Variants in CCDC92 observed in about 807,000 individuals in gnomAD.
CCDC92 encodes the protein coiled-coil domain-containing protein 92.
CCDC92 carries 12 observed loss-of-function variants against 24.9 expected under a neutral mutation model. The observed-to-expected ratio is 0.48, with a 90% CI of 0.31 to 0.78. The LOEUF (loss-of-function observed/expected upper bound fraction) is 0.78. CCDC92 is among the 30% of genes least tolerant of loss of function. The probability of loss-of-function intolerance (pLI) is 0.05; values close to 1 mark genes in which losing one functional copy is unlikely to be tolerated. For missense variants in CCDC92, 399 were observed against 439.4 expected (o/e 0.91, Z 0.82); for synonymous variants, 193 against 196.3 (o/e 0.98, Z 0.14).
At chr12:123,951,784 CAG>C in intron 1 of CCDC92, among the ~76,000 whole-genome samples, 1 of 152,152 alleles carries the variant, frequency 6.6e-6, no homozygotes, top group East Asian at 1.9e-4. Context: ...GAAGGCTGGC[CAG>C]AGAACAAAGG....
chr12:123,951,399 G>A (rs1320015533), intron 1 of CCDC92, among the ~76,000 whole-genome samples: 1 of 152,196 alleles, frequency 6.6e-6, no homozygotes, highest in Non-Finnish European at 1.5e-5. Flanking sequence ...GATTGTTTCT[G>A]AGCAATCAAG....
At position 123,953,300 on chromosome 12, in the gene CCDC92, C is replaced by T. The variant is rs895187748; in HGVS notation, c.-59-8936G>A. On this transcript the variant is annotated intron_variant, in intron 1 of 4. Transcript: ENST00000238156. ...AGATAATCACCACACAAAATAATCT[C>T]AACGTCTGTCAAGGGGCTAGCATGG... is the stretch of plus-strand genomic sequence containing the variant. Among the ~76,000 whole-genome samples the T allele has an allele frequency of 4.6e-5, 7 of 151,404 alleles. No homozygotes were observed. In the South Asian group the frequency reaches 1.3e-3, roughly 27 times the overall value.
intron 1 of CCDC92, among the ~76,000 whole-genome samples, chr12:123,946,968 G>A (rs1029621894): frequency 6.6e-6 from 1 of 152,142 alleles, no homozygotes; most frequent in Non-Finnish European, 1.5e-5. Context: ...CAGAACCGGG[G>A]CTGCGTGCGG....
At chr12:123,957,433 A>G (rs1956172621) in intron 1 of CCDC92, among the ~76,000 whole-genome samples, 1 of 152,166 alleles carries the variant, frequency 6.6e-6, no homozygotes, top group South Asian at 2.1e-4. Context: ...TGCTATGTGC[A>G]CGCCCCACGA....
intron 1 of CCDC92, chr12:123,970,055 T>G (rs1956489825): frequency 6.6e-6 from 1 of 152,224 alleles, no homozygotes; most frequent in South Asian, 2.1e-4. Context: ...CTAAGAATCA[T>G]CTTCGATAGC....
Position 123,936,931 on chromosome 12 carries a change from G to T in CCDC92, c.*127C>A. 1 of 1,016,298 alleles carries T rather than the reference G, an allele frequency of 9.8e-7. No individual in the cohort carries two copies. Among genetic ancestry groups the T allele is most frequent in the Non-Finnish European group, 1.4e-6 (1 of 690,210 alleles). The allele number at this position is 1,016,298 out of a possible 1,614,324, so 63.0% of individuals were successfully genotyped here. ...TGTGAAGAAGAGGGCAAGAGAAGCA[G>T]AAGGAGAATGGGTCGGTAGGTGTGA... is the stretch of plus-strand genomic sequence containing the variant. On this transcript the variant is annotated 3_prime_UTR_variant, in exon 5 of 5. Transcript: ENST00000238156.
rs1162899317 is a variant in CCDC92, at chr12:123,936,846, C to T, written c.*212G>A. ...AGAAGCAAGCGATTCGGCACACAGG[C>T]GTTTGGCCACAGCAATTAGGAAATA... On this transcript the variant is annotated 3_prime_UTR_variant, in exon 5 of 5. Coordinates refer to ENST00000238156, the MANE Select transcript of CCDC92 (RefSeq NM_025140.3). 4 of 628,394 alleles carry T rather than the reference C, an allele frequency of 6.4e-6. No homozygotes were observed. The highest frequency in any genetic ancestry group is 2.0e-5 in the South Asian group (1 of 50,704). 38.9% of individuals were successfully genotyped at this position (628,394 alleles called of 1,614,324 possible).
At chr12:123,962,176 A>G (rs1956286400) in intron 1 of CCDC92, among the ~76,000 whole-genome samples, 2 of 152,182 alleles carry the variant, frequency 1.3e-5, no homozygotes, top group Admixed American at 1.3e-4. Context: ...AAATCAGAAT[A>G]AGAGAAAATG....
At position 123,937,846 on chromosome 12, in the gene CCDC92, G is replaced by C; in HGVS notation, c.224-16C>G. 1.9e-6 allele frequency: 3 copies of C among 1,587,912 alleles called. No individual in the cohort carries two copies. The highest frequency in any genetic ancestry group is 2.6e-6 in the Non-Finnish European group (3 of 1,172,058). On this transcript the variant is annotated splice_polypyrimidine_tract_variant and intron_variant, in intron 4 of 4. Transcript: ENST00000238156. The surrounding 1 kb of genome is among the most constrained non-coding windows in gnomAD (Gnocchi z 8.4). Reference sequence around the variant, plus strand: ...GTCCCGTCTCCTACAAGAATAAGCCGAGGAAGCAGGTGAAGAACTCATTAG... The same window carrying C: ...GTCCCGTCTCCTACAAGAATAAGCCCAGGAAGCAGGTGAAGAACTCATTAG...
rs141122472 is a variant in CCDC92, at chr12:123,945,651, T to C, written c.-59-1287A>G. On this transcript the variant is annotated intron_variant, in intron 1 of 4. Coordinates refer to ENST00000238156, the MANE Select transcript of CCDC92 (RefSeq NM_025140.3). ...GTCAGTAGCGGTGCCTACGTTTTCC[T>C]TCCACTCAGCAATCCGGAGTCGTTC... The C allele has an allele frequency of 2.5e-3, 386 of 152,308 alleles. 2 individuals are homozygous for C. The highest frequency in any genetic ancestry group is 9.0e-3 in the African/African-American group (376 of 41,570). 9.4% of individuals were successfully genotyped at this position (152,308 alleles called of 1,614,324 possible).
chr12:123,957,289 C>A (rs1186414595), intron 1 of CCDC92, among the ~76,000 whole-genome samples: 1 of 152,202 alleles, frequency 6.6e-6, no homozygotes, highest in Non-Finnish European at 1.5e-5. Flanking sequence ...AGCCTACTGG[C>A]CAGTCAGGAG....
intron 1 of CCDC92, chr12:123,962,730 AGAG>A (rs1375321057): frequency 6.6e-6 from 1 of 152,646 alleles, no homozygotes; most frequent in East Asian, 1.9e-4. Flanking sequence ...TGGGTCTTAC[AGAG>A]GAGCTGGCCT....
chr12:123,958,476 G>T (rs1055432825), intron 1 of CCDC92, among the ~76,000 whole-genome samples: 1 of 152,202 alleles, frequency 6.6e-6, no homozygotes, highest in Non-Finnish European at 1.5e-5. Flanking sequence ...CCTCTGCCTC[G>T]TGCCTTCCTG....
chr12:123,953,265 A>AT (rs929240976), intron 1 of CCDC92, among the ~76,000 whole-genome samples: 8 of 151,498 alleles, frequency 5.3e-5, no homozygotes, highest in African/African-American at 9.7e-5. Context: ...AAAAAAAGTC[A>AT]TTTTTTGCAA....
At chr12:123,959,372 T>A (rs1042558595) in intron 1 of CCDC92, among the ~76,000 whole-genome samples, 2 of 152,118 alleles carry the variant, frequency 1.3e-5, no homozygotes, top group African/African-American at 4.8e-5. Flanking sequence ...TGGAGTGCAG[T>A]GGTGCAATCG....
chr12:123,937,628 G>T lies in CCDC92; in HGVS notation c.426C>A (p.Thr142=), dbSNP rs780565796. 1 of 1,613,678 alleles carries T rather than the reference G, an allele frequency of 6.2e-7. No individual in the cohort carries two copies. The highest frequency in any genetic ancestry group is 8.5e-7 in the Non-Finnish European group (1 of 1,180,014). ...GCTGCTCCAGCTCGCTAGACAGCAG[G>T]GTCAGCTTGTGACTCTTGGCCTTCA... ...EELKAKSHKL[T]LLSSELEQRA... is the part of the protein sequence containing the mutation. Residue 142 remains threonine (T), a synonymous_variant, in exon 5 of 5, where the codon ACC becomes ACA. Coordinates refer to ENST00000238156, the MANE Select transcript of CCDC92 (RefSeq NM_025140.3). The surrounding 1 kb of genome is among the most constrained non-coding windows in gnomAD (Gnocchi z 8.4).
chr12:123,936,779 G>T lies in CCDC92; in HGVS notation c.*279C>A. On this transcript the variant is annotated 3_prime_UTR_variant, in exon 5 of 5. Coordinates refer to ENST00000238156, the MANE Select transcript of CCDC92 (RefSeq NM_025140.3). ...ATCAGTAGTGACGCAGCCGTGGCCT[G>T]GGCTTTGCCTGCAGCGCACTTAGGT... 1.8e-6 allele frequency: 1 copy of T among 562,810 alleles called. No homozygotes were observed. Among genetic ancestry groups the T allele is most frequent in the Non-Finnish European group, 3.2e-6 (1 of 316,894 alleles). The allele number at this position is 562,810 out of a possible 1,614,324, so 34.9% of individuals were successfully genotyped here. A position where few individuals can be genotyped will look rare whatever the true frequency, so the allele number is the denominator to read the frequency against.
intron 1 of CCDC92, among the ~76,000 whole-genome samples, chr12:123,960,535 C>T (rs1333968107): frequency 6.6e-6 from 1 of 152,122 alleles, no homozygotes; most frequent in Non-Finnish European, 1.5e-5. Context: ...CAATGCTGAG[C>T]CTGTGACATG....
chr12:123,944,170 G>A (rs1345563700), intron 2 of CCDC92, 102 bp downstream of exon 2: 6 of 782,078 alleles, frequency 7.7e-6, no homozygotes, highest in Non-Finnish European at 1.4e-5. Flanking sequence ...TATCTCATGG[G>A]GCCAGGGGGT....
Sources: gnomAD v4.1 joint callset for allele counts (sites outside exome capture counted in the v4.1 genomes callset) on GRCh38, gnomAD v4.1.1 for gene constraint, Gnocchi (gnomAD v3.1) non-coding constraint, MANE v1.5 for transcripts, NCBI Gene and HGNC (gene_info 2026-07-23, HGNC 2026-07-21) for gene names.